Variants in CACNA1A observed in about 807,000 individuals in gnomAD.
CACNA1A encodes the protein calcium voltage-gated channel subunit alpha1 A.
A neutral mutation model predicts 262.4 loss-of-function variants in CACNA1A; 57 were observed. The ratio of observed to expected loss-of-function variants is 0.22; its 90% CI spans 0.18 to 0.27. The LOEUF (loss-of-function observed/expected upper bound fraction) is 0.27. CACNA1A is among the 10% of genes least tolerant of loss of function. CACNA1A has a pLI of 1.00. For missense variants in CACNA1A, 2,526 were observed against 3,562.8 expected (o/e 0.71, Z 7.41); for synonymous variants, 1,431 against 1,419.3 (o/e 1.01, Z -0.18).
At chr19:13,280,121 G>T (rs2057254379) in intron 22 of CACNA1A, among the ~76,000 whole-genome samples, 2 of 151,864 alleles carry the variant, frequency 1.3e-5, no homozygotes, top group Non-Finnish European at 2.9e-5. Context: ...ATTTACTGAG[G>T]CCAACCACTT....
In CACNA1A at chr19:13,209,299, C is replaced by T. The variant is rs762110794; in HGVS notation, c.6526+13G>A. On this transcript the variant is annotated intron_variant, in intron 45 of 46. Coordinates refer to ENST00000360228, the MANE Select transcript of CACNA1A (RefSeq NM_001127222.2). ...CTGTTCTGCTTGTCCCTGAGCACCA[C>T]AGGGCTGCCCACCTGTGTCCACATC... is the stretch of plus-strand genomic sequence containing the variant. 9 of 1,428,808 alleles carry T rather than the reference C, an allele frequency of 6.3e-6. No homozygotes were observed. In the South Asian group the frequency reaches 1.1e-4, roughly 17 times the overall value. 88.5% of individuals were successfully genotyped at this position (1,428,808 alleles called of 1,614,324 possible).
intron 1 of CACNA1A, among the ~76,000 whole-genome samples, chr19:13,469,981 A>G (rs2061322202): frequency 6.6e-6 from 1 of 151,746 alleles, no homozygotes; most frequent in South Asian, 2.1e-4. Context: ...CCTTCCCCAT[A>G]CCTGGGCAGT....
chr19:13,402,777 T>C (rs868314373), intron 3 of CACNA1A, among the ~76,000 whole-genome samples: 18 of 133,462 alleles, frequency 1.3e-4, no homozygotes, highest in East Asian at 5.0e-4. Flanking sequence ...TACATATATA[T>C]ACATATATAT....
rs370514102 is a variant in CACNA1A, at chr19:13,212,195, C to T, written c.6211G>A (p.Gly2071Ser). 1.5e-5 allele frequency: 24 copies of T among 1,613,794 alleles called. No homozygotes were observed. The highest frequency in any genetic ancestry group is 1.9e-5 in the Non-Finnish European group (23 of 1,179,830). ...TCGCTGTCGGAGTAGCCATCTCTGC[C>T]CATCTCTCGCATCTCCACGGACTGC... Reference protein sequence around the residue: ...NSQSVEMREMGRDGYSDSEHY... With the variant: ...NSQSVEMREMSRDGYSDSEHY... Residue 2071 changes from glycine to serine, a missense_variant, in exon 43 of 47, where the codon GGC becomes AGC. Coordinates refer to ENST00000360228, the MANE Select transcript of CACNA1A (RefSeq NM_001127222.2). This position sits in a 1 kb window ranked among gnomAD's most constrained non-coding sequence, Gnocchi z 5.6.
intron 38 of CACNA1A, among the ~76,000 whole-genome samples, chr19:13,222,465 G>A (rs1188069524): frequency 1.3e-5 from 2 of 148,276 alleles, no homozygotes; most frequent in Admixed American, 1.4e-4. Context: ...GCACAAGCTC[G>A]GCTCGCTGCA....
intron 1 of CACNA1A, among the ~76,000 whole-genome samples, chr19:13,463,457 A>G (rs528587685): frequency 1.3e-4 from 20 of 152,184 alleles, no homozygotes; most frequent in Non-Finnish European, 2.6e-4. Flanking sequence ...CTTAGCAGGG[A>G]TGGCATGCTA....
chr19:13,453,072 C>G, intron 2 of CACNA1A, 57 bp from the exon 3 acceptor site: 1 of 1,593,718 alleles, frequency 6.3e-7, no homozygotes, highest in Non-Finnish European at 8.6e-7. Flanking sequence ...TTGACAAGAT[C>G]AGGGAACCAG....
chr19:13,440,436 A>G (rs1158701408), intron 3 of CACNA1A, among the ~76,000 whole-genome samples: 1 of 152,202 alleles, frequency 6.6e-6, no homozygotes, highest in Non-Finnish European at 1.5e-5. Context: ...CCCAACTAAT[A>G]ATAGCAAACG....
intron 1 of CACNA1A, among the ~76,000 whole-genome samples, chr19:13,475,127 T>C (rs1978370102): frequency 1.3e-5 from 2 of 152,162 alleles, no homozygotes; most frequent in South Asian, 4.1e-4. Flanking sequence ...TATAGGAAAA[T>C]ATGAATATCC....
intron 1 of CACNA1A, among the ~76,000 whole-genome samples, chr19:13,500,356 A>G (rs1483109332): frequency 6.6e-6 from 1 of 152,122 alleles, no homozygotes; most frequent in African/African-American, 2.4e-5. Flanking sequence ...GGAATGGTAG[A>G]ACTACCAGGG....
chr19:13,397,503 T>G (rs2059829055), intron 3 of CACNA1A, among the ~76,000 whole-genome samples: 2 of 152,204 alleles, frequency 1.3e-5, no homozygotes, highest in Non-Finnish European at 2.9e-5. Context: ...AATGTGAAGC[T>G]TGATTCTCAG....
At chr19:13,482,010 C>T (rs930811569) in intron 1 of CACNA1A, among the ~76,000 whole-genome samples, 10 of 152,074 alleles carry the variant, frequency 6.6e-5, no homozygotes, top group Non-Finnish European at 1.0e-4. Flanking sequence ...GGACCCCACA[C>T]TCAAGCTTGG....
At chr19:13,213,897 A>T (rs1017098352) in intron 40 of CACNA1A, 2 of 251,342 alleles carry the variant, frequency 8.0e-6, no homozygotes, top group Non-Finnish European at 1.6e-5. Context: ...TGTTGCCCAG[A>T]CTGGTCTCCC....
intron 31 of CACNA1A, among the ~76,000 whole-genome samples, chr19:13,239,960 G>A (rs953824067): frequency 5.3e-5 from 8 of 151,656 alleles, no homozygotes; most frequent in Admixed American, 3.9e-4. Flanking sequence ...AGACCAGCCT[G>A]GCCAACATGG....
At chr19:13,210,051 G>C (rs2054747444) in intron 44 of CACNA1A, among the ~76,000 whole-genome samples, 1 of 151,998 alleles carries the variant, frequency 6.6e-6, no homozygotes, top group Non-Finnish European at 1.5e-5. Flanking sequence ...AGTCCTTCTG[G>C]TGAGGCCCAA....
chr19:13,417,852 T>G (rs1444910753), intron 3 of CACNA1A, among the ~76,000 whole-genome samples: 2 of 142,738 alleles, frequency 1.4e-5, no homozygotes, highest in East Asian at 4.1e-4. Context: ...ATTGCACTAC[T>G]GCACTCCAGC....
intron 9 of CACNA1A, among the ~76,000 whole-genome samples, chr19:13,332,061 T>C (rs1240497132): frequency 6.6e-6 from 1 of 152,220 alleles, no homozygotes; most frequent in Non-Finnish European, 1.5e-5. Context: ...CCAGCTATGC[T>C]GGGGAGGTTG....
intron 3 of CACNA1A, among the ~76,000 whole-genome samples, chr19:13,414,712 C>A (rs2060190900): frequency 6.6e-6 from 1 of 151,708 alleles, no homozygotes; most frequent in Admixed American, 6.6e-5. Flanking sequence ...AGTCCCAGCA[C>A]TTTGAGAGAC....
chr19:13,288,297 T>C (rs1201054971), intron 19 of CACNA1A, among the ~76,000 whole-genome samples: 1 of 151,848 alleles, frequency 6.6e-6, no homozygotes, highest in Non-Finnish European at 1.5e-5. Context: ...TGGAGTGCAG[T>C]GGCAGGATCT....
Sources: gnomAD v4.1 joint callset for allele counts (sites outside exome capture counted in the v4.1 genomes callset) on GRCh38, gnomAD v4.1.1 for gene constraint, Gnocchi (gnomAD v3.1) non-coding constraint, MANE v1.5 for transcripts, NCBI Gene and HGNC (gene_info 2026-07-23, HGNC 2026-07-21) for gene names.